Variants in DCC observed in about 807,000 individuals in gnomAD.
DCC encodes DCC netrin 1 receptor, also known as netrin receptor DCC.
DCC carries 58 observed loss-of-function variants against 172.5 expected under a neutral mutation model. That is an observed-to-expected ratio of 0.34 (90% CI 0.27 to 0.42). The LOEUF (loss-of-function observed/expected upper bound fraction) is 0.42, where lower values mean the gene tolerates loss of function less well. Ranked by LOEUF, DCC falls within the 10% of genes least tolerant of loss-of-function variation. The pLI is 1.00. For missense variants in DCC, 1,740 were observed against 1,791.0 expected (o/e 0.97, Z 0.51); for synonymous variants, 709 against 644.5 (o/e 1.10, Z -1.52).
At chr18:53,460,861 C>A (rs1310961222) in intron 24 of DCC, among the ~76,000 whole-genome samples, 1 of 152,150 alleles carries the variant, frequency 6.6e-6, no homozygotes, top group Non-Finnish European at 1.5e-5. Flanking sequence ...GCCACACTGA[C>A]TTCCACAATG....
At chr18:52,771,618 A>G (rs1164297398) in intron 2 of DCC, among the ~76,000 whole-genome samples, 1 of 152,220 alleles carries the variant, frequency 6.6e-6, no homozygotes, top group African/African-American at 2.4e-5. Flanking sequence ...GGTCTCTAAC[A>G]AAGTTTTCTC....
intron 7 of DCC, among the ~76,000 whole-genome samples, chr18:53,085,732 C>T (rs566452434): frequency 1.3e-4 from 20 of 151,640 alleles, no homozygotes; most frequent in Non-Finnish European, 2.8e-4. Context: ...TCATCACTGC[C>T]ATCTCCAAAA....
intron 5 of DCC, among the ~76,000 whole-genome samples, chr18:53,048,519 G>GTA (rs2042290059): frequency 7.5e-6 from 1 of 133,136 alleles, no homozygotes; most frequent in East Asian, 2.3e-4. Context: ...GTGTGTGTGT[G>GTA]TGTGTGTATA....
intron 23 of DCC, among the ~76,000 whole-genome samples, chr18:53,452,626 G>C (rs2045428013): frequency 6.6e-6 from 1 of 152,140 alleles, no homozygotes; most frequent in South Asian, 2.1e-4. Context: ...AGTATGACTT[G>C]TTTTTAAAAA....
chr18:53,486,073 G>A (rs1353509501), intron 25 of DCC, among the ~76,000 whole-genome samples: 4 of 151,744 alleles, frequency 2.6e-5, no homozygotes, highest in African/African-American at 9.7e-5. Flanking sequence ...GACTACAATT[G>A]GAATATTTAA....
At chr18:52,776,056 C>T (rs556768777) in intron 2 of DCC, among the ~76,000 whole-genome samples, 1 of 152,332 alleles carries the variant, frequency 6.6e-6, no homozygotes, top group East Asian at 1.9e-4. Context: ...CCCCAATCAA[C>T]AGACACAAGC....
In DCC at chr18:52,841,039, C is replaced by T. The variant is rs374794689; in HGVS notation, c.413-65005C>T. On this transcript the variant is annotated intron_variant, in intron 2 of 28. Transcript: ENST00000442544. ...TTTAGGTAGAATGATCTCTGCAGGT[C>T]TCCGTGAAAAAGGCATTCAGGTTGA... is the stretch of plus-strand genomic sequence containing the variant. 5.3e-5 allele frequency among the ~76,000 whole-genome samples: 8 copies of T among 151,974 alleles called. No individual in the cohort carries two copies. In the East Asian group the frequency reaches 7.7e-4, roughly 15 times the overall value.
intron 1 of DCC, among the ~76,000 whole-genome samples, chr18:52,430,995 CA>C: frequency 1.3e-5 from 2 of 152,200 alleles, no homozygotes; most frequent in Middle Eastern, 6.8e-3. Context: ...AGGTTCACCC[CA>C]CAAAACTGGA....
intron 1 of DCC, among the ~76,000 whole-genome samples, chr18:52,487,810 CAAA>C (rs5824940): frequency 8.2e-4 from 61 of 74,388 alleles, no homozygotes; most frequent in Middle Eastern, 9.8e-3. Flanking sequence ...GACTCCACCT[CAAA>C]AAAAAAAAAA....
At chr18:53,125,612 T>G (rs559761454) in intron 7 of DCC, among the ~76,000 whole-genome samples, 21 of 152,208 alleles carry the variant, frequency 1.4e-4, no homozygotes, top group African/African-American at 5.1e-4. Context: ...CAGGCCAAAG[T>G]ATTACATTAA....
At chr18:52,666,150 G>A (rs1056026254) in intron 1 of DCC, among the ~76,000 whole-genome samples, 11 of 152,166 alleles carry the variant, frequency 7.2e-5, no homozygotes, top group Middle Eastern at 3.4e-3. Context: ...AAAATTAGCC[G>A]GGTGTGGTGG....
intron 7 of DCC, among the ~76,000 whole-genome samples, chr18:53,144,527 TACTC>T (rs966730207): frequency 7.2e-5 from 11 of 152,178 alleles, no homozygotes; most frequent in East Asian, 3.9e-4. Context: ...TCATGAGACT[TACTC>T]AGTGTCATGA....
At position 53,007,092 on chromosome 18, in the gene DCC, T is replaced by G. The variant is rs530710913; in HGVS notation, c.986-56213T>G. Among the ~76,000 whole-genome samples, 7 of 152,302 alleles carry G rather than the reference T, an allele frequency of 4.6e-5. No homozygotes were observed. The East Asian group carries it at 7.7e-4, about 17-fold the overall frequency. The stretch of plus-strand genomic sequence containing the variant: ...AAACAAAAAGCAGAAAACAAAACTG[T>G]AAAAACCCCTGGCTGAAGTTTGTAT... On this transcript the variant is annotated intron_variant, in intron 5 of 28. Coordinates refer to ENST00000442544, the MANE Select transcript of DCC (RefSeq NM_005215.4).
chr18:53,028,760 G>A lies in DCC; in HGVS notation c.986-34545G>A, dbSNP rs371008724. On this transcript the variant is annotated intron_variant, in intron 5 of 28. Transcript: ENST00000442544. The stretch of plus-strand genomic sequence containing the variant: ...TTTATGACATGCAAATATGCCAAAT[G>A]TCCCACCCAACCAGTGTTACTGCAG... Among the ~76,000 whole-genome samples, 712 of 152,208 alleles carry A rather than the reference G, an allele frequency of 4.7e-3. 7 individuals carry two copies. The highest frequency in any genetic ancestry group is 0.017 in the African/African-American group (689 of 41,548).
intron 2 of DCC, among the ~76,000 whole-genome samples, chr18:52,837,425 C>T (rs558426216): frequency 1.3e-5 from 2 of 152,248 alleles, no homozygotes; most frequent in African/African-American, 4.8e-5. Flanking sequence ...ATTTCTTCTG[C>T]CAGATACCCT....
chr18:52,417,559 C>T (rs1033236394), intron 1 of DCC, among the ~76,000 whole-genome samples: 1 of 152,050 alleles, frequency 6.6e-6, no homozygotes, highest in Admixed American at 6.6e-5. Context: ...TTCTTGGAGG[C>T]CTTGTTTGTT....
chr18:53,361,753 T>C (rs115731793), intron 15 of DCC, among the ~76,000 whole-genome samples: 2 of 152,132 alleles, frequency 1.3e-5, no homozygotes, highest in Non-Finnish European at 2.9e-5. Context: ...AAAATAAATG[T>C]GAATGGAATA....
chr18:53,052,768 G>A (rs1210187479), intron 5 of DCC, among the ~76,000 whole-genome samples: 1 of 152,056 alleles, frequency 6.6e-6, no homozygotes, highest in East Asian at 1.9e-4. Context: ...TCATTTCATT[G>A]ATGGTCCATA....
At chr18:52,787,940 A>T (rs1203658767) in intron 2 of DCC, among the ~76,000 whole-genome samples, 1 of 152,180 alleles carries the variant, frequency 6.6e-6, no homozygotes, top group Non-Finnish European at 1.5e-5. Context: ...AGACAATTTC[A>T]TATAATCTTA....
Sources: allele counts gnomAD v4.1 joint callset (sites outside exome capture counted in the v4.1 genomes callset), GRCh38; gene constraint gnomAD v4.1.1; transcripts MANE v1.5; gene names NCBI Gene and HGNC (gene_info 2026-07-23, HGNC 2026-07-21).